SLC9A2: variants seen among roughly 807,000 people sequenced by gnomAD.
SLC9A2 encodes sodium/hydrogen exchanger 2.
SLC9A2 carries 42 observed loss-of-function variants against 71.7 expected under a neutral mutation model. That is an observed-to-expected ratio of 0.59 (90% CI 0.46 to 0.76). The LOEUF (loss-of-function observed/expected upper bound fraction) is 0.76, where lower values mean the gene tolerates loss of function less well. Among genes scored for constraint, SLC9A2 ranks in the 30% least tolerant of loss-of-function variants. The probability of loss-of-function intolerance (pLI) is 0.00; values close to 1 mark genes in which losing one functional copy is unlikely to be tolerated. For missense variants in SLC9A2, 829 were observed against 1,017.4 expected (o/e 0.81, Z 2.52); for synonymous variants, 396 against 392.5 (o/e 1.01, Z -0.10).
chr2:102,695,141 T>C (rs1042064998), intron 7 of SLC9A2, 28 bp downstream of exon 7: 1 of 1,527,522 alleles, frequency 6.5e-7, no homozygotes, highest in Non-Finnish European at 9.1e-7. Context: ...CATTGGGTTA[T>C]GAAGTGGCCC....
intron 3 of SLC9A2, among the ~76,000 whole-genome samples, chr2:102,676,218 C>T (rs1310689740): frequency 6.6e-6 from 1 of 152,194 alleles, no homozygotes; most frequent in Non-Finnish European, 1.5e-5. Context: ...CAGGAGTCTT[C>T]CACCTGGAAA....
intron 11 of SLC9A2, among the ~76,000 whole-genome samples, chr2:102,706,543 G>A (rs1360510689): frequency 6.6e-6 from 1 of 152,008 alleles, no homozygotes; most frequent in Non-Finnish European, 1.5e-5. Context: ...CCTGCACATT[G>A]TGCACATGTA....
In SLC9A2 at chr2:102,619,795, T is replaced by G; in HGVS notation, c.-54T>G. The G allele has an allele frequency of 2.1e-6, 3 of 1,422,996 alleles. No homozygotes were observed. The highest frequency in any genetic ancestry group is 5.1e-5 in the East Asian group (2 of 38,982). The allele number at this position is 1,422,996 out of a possible 1,614,324, so 88.1% of individuals were successfully genotyped here. A position where few individuals can be genotyped will look rare whatever the true frequency, so the allele number is the denominator to read the frequency against. ...GGCTGAGCAGCCCGGGCGCGATGCG[T>G]TGAGCGCTCGGAGGGCCAACCGCCG... On this transcript the variant is annotated 5_prime_UTR_variant, in exon 1 of 12. Coordinates refer to ENST00000233969, the MANE Select transcript of SLC9A2 (RefSeq NM_003048.6). This position sits in a 1 kb window ranked among gnomAD's most constrained non-coding sequence, Gnocchi z 4.3.
At chr2:102,621,702 T>A (rs1356450847) in intron 1 of SLC9A2, among the ~76,000 whole-genome samples, 3 of 152,196 alleles carry the variant, frequency 2.0e-5, no homozygotes, top group African/African-American at 4.8e-5. Context: ...TGGAGAGACG[T>A]GTACACGCTG....
At chr2:102,641,593 A>G (rs996840198) in intron 1 of SLC9A2, among the ~76,000 whole-genome samples, 2 of 151,924 alleles carry the variant, frequency 1.3e-5, no homozygotes, top group African/African-American at 4.8e-5. Flanking sequence ...ACAAGATCAG[A>G]GACCCTGCCA....
rs1192112896 is a variant in SLC9A2 at position 102,657,753 on chromosome 2, G to A, written c.479G>A (p.Arg160His). Residue 160 changes from arginine (R) to histidine (H), a missense_variant, in exon 2 of 12, where the codon CGC (arginine) becomes CAC (histidine). Physicochemically the swap from Arg to His is conservative, Grantham distance 29 (BLOSUM62 0). This residue lies in a region of SLC9A2 where 500 missense variants were observed against 726.3 expected (regional missense o/e 0.69). Transcript: ENST00000233969. The part of the protein sequence containing the change: ...VLDAGYFMPT[R>H]PFFENIGTIF... ...GATGCCGGCTATTTCATGCCCACTC[G>A]CCCATTCTTTGAGAACATTGGCACG... The A allele has an allele frequency of 6.8e-6, 11 of 1,613,960 alleles. No individual in the cohort carries two copies. Among genetic ancestry groups the A allele is most frequent in the South Asian group, 3.3e-5 (3 of 91,080 alleles).
intron 7 of SLC9A2, among the ~76,000 whole-genome samples, chr2:102,697,073 C>T (rs1677781517): frequency 6.6e-6 from 1 of 152,152 alleles, no homozygotes; most frequent in Non-Finnish European, 1.5e-5. Context: ...AACTACTATC[C>T]TCCCTTTCCC....
At chr2:102,661,709 A>T (rs182101302) in intron 2 of SLC9A2, among the ~76,000 whole-genome samples, 22 of 152,322 alleles carry the variant, frequency 1.4e-4, no homozygotes, top group Non-Finnish European at 2.8e-4. Context: ...TGATTATTTG[A>T]AAGATTTCAA....
chr2:102,673,155 T>C (rs1419637038), intron 3 of SLC9A2, among the ~76,000 whole-genome samples: 1 of 152,166 alleles, frequency 6.6e-6, no homozygotes, highest in Non-Finnish European at 1.5e-5. Context: ...TAGTGTCTTC[T>C]GGTATTTATC....
intron 1 of SLC9A2, among the ~76,000 whole-genome samples, chr2:102,646,575 AC>A (rs1170774650): frequency 6.6e-6 from 1 of 152,112 alleles, no homozygotes; most frequent in African/African-American, 2.4e-5. Context: ...GTGCAAAGAC[AC>A]ACACAGGCTC....
At chr2:102,633,783 C>T (rs114715709) in intron 1 of SLC9A2, among the ~76,000 whole-genome samples, 2 of 152,250 alleles carry the variant, frequency 1.3e-5, no homozygotes, top group Non-Finnish European at 2.9e-5. Flanking sequence ...ATATTTAACA[C>T]GTTAAGTATT....
intron 1 of SLC9A2, among the ~76,000 whole-genome samples, chr2:102,654,993 G>A (rs1261904659): frequency 1.3e-5 from 2 of 152,198 alleles, no homozygotes; most frequent in Non-Finnish European, 2.9e-5. Flanking sequence ...GAGTTTGCAG[G>A]ACTGGAGATT....
rs939965997 is a variant in SLC9A2 at position 102,620,077 on chromosome 2, C to T, written c.229C>T (p.His77Tyr). Residue 77 changes from histidine to tyrosine, a missense_variant, in exon 1 of 12, where the codon CAC becomes TAC. Around this residue, in one of 3 missense-constraint regions of SLC9A2, gnomAD observed 500 missense variants for 726.3 expected, o/e 0.69. Coordinates refer to ENST00000233969, the MANE Select transcript of SLC9A2 (RefSeq NM_003048.6). ...RLPVFTLDYP[H>Y]VQIPFEITLW... Reference sequence around the variant, plus strand: ...GCCTGTGTTTACGCTGGATTACCCCCACGTGCAGATCCCCTTCGAGATCAC... The same window carrying T: ...GCCTGTGTTTACGCTGGATTACCCCTACGTGCAGATCCCCTTCGAGATCAC... 1 of 1,613,994 alleles carries T rather than the reference C, an allele frequency of 6.2e-7. No homozygotes were observed. The highest frequency in any genetic ancestry group is 1.3e-5 in the African/African-American group (1 of 75,058).
At chr2:102,689,346 A>C (rs752413411) in intron 5 of SLC9A2, among the ~76,000 whole-genome samples, 19 of 152,180 alleles carry the variant, frequency 1.2e-4, no homozygotes, top group Non-Finnish European at 7.4e-5. Context: ...GAAATGCTCC[A>C]GGTAAAAAAG....
At position 102,708,156 on chromosome 2, in the gene SLC9A2, C is replaced by T; in HGVS notation, c.2106C>T (p.Thr702=). Residue 702 remains threonine, a synonymous_variant, in exon 12 of 12, where the codon ACC becomes ACT. Coordinates refer to ENST00000233969, the MANE Select transcript of SLC9A2 (RefSeq NM_003048.6). ...NSSDSDADAG[T]TVLNLQPRAR... is the part of the protein sequence containing the mutation. The stretch of plus-strand genomic sequence containing the variant: ...GCGACTCAGACGCAGATGCCGGGAC[C>T]ACCGTGCTCAATTTGCAGCCCAGAG... 1 of 1,613,966 alleles carries T rather than the reference C, an allele frequency of 6.2e-7. No homozygotes were observed. Among genetic ancestry groups the T allele is most frequent in the Non-Finnish European group, 8.5e-7 (1 of 1,179,952 alleles).
At chr2:102,642,304 G>C (rs1238348403) in intron 1 of SLC9A2, among the ~76,000 whole-genome samples, 2 of 152,114 alleles carry the variant, frequency 1.3e-5, no homozygotes, top group Admixed American at 1.3e-4. Context: ...AACCAGTCAG[G>C]CTTTCTGAAG....
chr2:102,651,392 G>A (rs903399315), intron 1 of SLC9A2, among the ~76,000 whole-genome samples: 2 of 152,122 alleles, frequency 1.3e-5, no homozygotes, highest in Non-Finnish European at 2.9e-5. Context: ...ACCTTGTTCT[G>A]CTTCATTCTC....
At chr2:102,666,522 A>G (rs1388637251) in intron 3 of SLC9A2, among the ~76,000 whole-genome samples, 1 of 152,182 alleles carries the variant, frequency 6.6e-6, no homozygotes, top group Non-Finnish European at 1.5e-5. Context: ...ACAAAGATGC[A>G]GGATTATAAA....
chr2:102,699,549 T>C (rs1677834350), intron 7 of SLC9A2, among the ~76,000 whole-genome samples: 1 of 152,210 alleles, frequency 6.6e-6, no homozygotes, highest in African/African-American at 2.4e-5. Context: ...GAGAGAATGA[T>C]GTCTTGGACC....
Sources: allele counts gnomAD v4.1 joint callset (sites outside exome capture counted in the v4.1 genomes callset), GRCh38; gene constraint gnomAD v4.1.1; regional missense constraint gnomAD v4.1.1; non-coding constraint Gnocchi (gnomAD v3.1); transcripts MANE v1.5; gene names NCBI Gene and HGNC (gene_info 2026-07-23, HGNC 2026-07-21).